Variants in OR2C1 observed in about 807,000 individuals in gnomAD.
OR2C1 encodes olfactory receptor 2C1.
For synonymous variants in OR2C1, 209 were observed against 167.3 expected (o/e 1.25, Z -1.92); for missense variants, 468 against 388.3 (o/e 1.21, Z -1.73).
At chr16:3,350,446 C>G in the OR2C1 span, among the ~76,000 whole-genome samples, 1 of 150,774 alleles carries the variant, frequency 6.6e-6, no homozygotes, top group Non-Finnish European at 1.5e-5. Flanking sequence ...GAGTCTTGCT[C>G]TGTCGCCCAG....
At chr16:3,332,955 C>A in the OR2C1 span, among the ~76,000 whole-genome samples, 1 of 152,030 alleles carries the variant, frequency 6.6e-6, no homozygotes, top group African/African-American at 2.4e-5. Context: ...GAACTTCCAA[C>A]AGTTTTCCAT....
At chr16:3,354,390 A>G (rs1596414420), upstream of OR2C1, among the ~76,000 whole-genome samples, 1 of 152,350 alleles carries the variant, frequency 6.6e-6, no homozygotes, top group African/African-American at 2.4e-5. Context: ...CTTACTAATT[A>G]TGAATACCCA....
the OR2C1 span, among the ~76,000 whole-genome samples, chr16:3,326,235 C>T: frequency 1.3e-5 from 2 of 152,088 alleles, no homozygotes; most frequent in African/African-American, 4.8e-5. Context: ...GGCTCAAGTG[C>T]ATTCTTATGA....
rs746937895 is a variant in OR2C1, at chr16:3,356,824, T to C, written c.884T>C (p.Met295Thr). The C allele has an allele frequency of 6.2e-6, 10 of 1,613,518 alleles. No individual in the cohort carries two copies. Among genetic ancestry groups the C allele is most frequent in the Non-Finnish European group, 8.5e-6 (10 of 1,179,676 alleles). The change falls in exon 1 of 1, where the codon ATG becomes ACG. Residue 295 changes from methionine to threonine, a missense_variant. By Grantham distance (81) the Met-to-Thr change is moderately conservative (BLOSUM62 -1). Coordinates refer to ENST00000304936, the MANE Select transcript of OR2C1 (RefSeq NM_012368.3). ...VNPLIYTLRNMEVKGALRRLL... is the reference protein window; with the variant it reads ...VNPLIYTLRNTEVKGALRRLL... ...CCCCTCATCTACACGCTGCGGAACA[T>C]GGAAGTGAAGGGCGCACTGAGGAGG...
the OR2C1 span, among the ~76,000 whole-genome samples, chr16:3,335,587 C>T: frequency 0.03 from 3,997 of 135,262 alleles, 194 homozygotes; most frequent in African/African-American, 0.1. Flanking sequence ...AGTGCAGTAG[C>T]GCAATATTGG....
At chr16:3,343,001 T>A in the OR2C1 span, among the ~76,000 whole-genome samples, 2 of 152,244 alleles carry the variant, frequency 1.3e-5, no homozygotes, top group South Asian at 4.1e-4. Context: ...CAGCTTTATT[T>A]ACATTAATTT....
chr16:3,349,986 A>G, the OR2C1 span, among the ~76,000 whole-genome samples: 2 of 151,794 alleles, frequency 1.3e-5, no homozygotes, highest in Non-Finnish European at 2.9e-5. Context: ...GCCCGTTTAT[A>G]CAGAGGTCTG....
chr16:3,353,584 TGAGGC>T (rs1452574270), upstream of OR2C1, among the ~76,000 whole-genome samples: 2 of 151,098 alleles, frequency 1.3e-5, no homozygotes, highest in Non-Finnish European at 2.9e-5. Flanking sequence ...GCAGATAACC[TGAGGC>T]CAGGAGTTCA....
At chr16:3,341,284 CTA>C in the OR2C1 span, among the ~76,000 whole-genome samples, 1 of 151,608 alleles carries the variant, frequency 6.6e-6, no homozygotes, top group Non-Finnish European at 1.5e-5. Context: ...ACTAATTTTT[CTA>C]TGTTGCTCTT....
At chr16:3,342,291 A>C in the OR2C1 span, among the ~76,000 whole-genome samples, 5 of 152,166 alleles carry the variant, frequency 3.3e-5, no homozygotes, top group African/African-American at 9.7e-5. Context: ...ACCAACATTA[A>C]GACAGAAAAT....
chr16:3,339,703 G>A, the OR2C1 span, among the ~76,000 whole-genome samples: 75,256 of 151,794 alleles, frequency 0.5, 19,430 homozygotes, highest in East Asian at 0.66. Context: ...TGATCCACCC[G>A]CCTCGGCCTC....
At chr16:3,357,975 G>A (rs1036557179), downstream of OR2C1, among the ~76,000 whole-genome samples, 11 of 151,738 alleles carry the variant, frequency 7.2e-5, no homozygotes, top group Non-Finnish European at 1.2e-4. Context: ...GCAAAACTCC[G>A]TCTCAATAAT....
upstream of OR2C1, among the ~76,000 whole-genome samples, chr16:3,353,444 TCCCG>T (rs2030605659): frequency 8.2e-6 from 1 of 122,536 alleles, no homozygotes; most frequent in Non-Finnish European, 1.6e-5. Context: ...TGAGCCGAGA[TCCCG>T]CCACTGCACT....
downstream of OR2C1, among the ~76,000 whole-genome samples, chr16:3,357,974 C>T (rs1430009171): frequency 2.0e-5 from 3 of 151,940 alleles, no homozygotes; most frequent in African/African-American, 4.8e-5. Flanking sequence ...AGCAAAACTC[C>T]GTCTCAATAA....
chr16:3,339,250 C>T, the OR2C1 span, among the ~76,000 whole-genome samples: 1 of 151,504 alleles, frequency 6.6e-6, no homozygotes, highest in African/African-American at 2.4e-5. Context: ...ATTTGTTTAT[C>T]CACTCATCTG....
chr16:3,326,151 A>G, the OR2C1 span, among the ~76,000 whole-genome samples: 2 of 151,892 alleles, frequency 1.3e-5, no homozygotes, highest in South Asian at 2.1e-4. Flanking sequence ...GGCTGGTCTT[A>G]AACTCCAGAC....
At chr16:3,354,128 C>T (rs1055161174), upstream of OR2C1, among the ~76,000 whole-genome samples, 10 of 151,952 alleles carry the variant, frequency 6.6e-5, no homozygotes, top group African/African-American at 2.2e-4. Context: ...GGGCTGCAGG[C>T]GCCCGCCACC....
At chr16:3,326,765 GCTCT>G in the OR2C1 span, among the ~76,000 whole-genome samples, 1 of 152,208 alleles carries the variant, frequency 6.6e-6, no homozygotes, top group East Asian at 1.9e-4. Context: ...AACAAATCCA[GCTCT>G]TGCTGGATGA....
the OR2C1 span, among the ~76,000 whole-genome samples, chr16:3,329,207 C>CACACACAG: frequency 6.6e-6 from 1 of 150,902 alleles, no homozygotes; most frequent in African/African-American, 2.4e-5. Flanking sequence ...CACACACACA[C>CACACACAG]ACACACAGCT....
Sources: allele counts gnomAD v4.1 joint callset (sites outside exome capture counted in the v4.1 genomes callset), GRCh38; gene constraint gnomAD v4.1.1; transcripts MANE v1.5; gene names NCBI Gene and HGNC (gene_info 2026-07-23, HGNC 2026-07-21).